Variants in KCNH5 observed in about 807,000 individuals in gnomAD.
The protein encoded by KCNH5 is voltage-gated delayed rectifier potassium channel KCNH5.
In KCNH5, 46 loss-of-function variants were observed where a neutral mutation model predicts 96.1. That is an observed-to-expected ratio of 0.48 (90% CI 0.38 to 0.61). KCNH5 has a LOEUF of 0.61. KCNH5 is among the 20% of genes least tolerant of loss of function. KCNH5 has a pLI of 0.00. For missense variants in KCNH5, 907 were observed against 1,225.8 expected (o/e 0.74, Z 3.88); for synonymous variants, 439 against 449.8 (o/e 0.98, Z 0.30).
At chr14:62,716,630 G>C (rs1884691850) in intron 10 of KCNH5, among the ~76,000 whole-genome samples, 1 of 152,120 alleles carries the variant, frequency 6.6e-6, no homozygotes, top group East Asian at 1.9e-4. Flanking sequence ...TTATAAGGTA[G>C]TTCTAGCTAC....
chr14:62,817,276 AC>A (rs1308669787), intron 8 of KCNH5, among the ~76,000 whole-genome samples: 1 of 134,534 alleles, frequency 7.4e-6, no homozygotes, highest in East Asian at 2.1e-4. Context: ...ATATATATAC[AC>A]ACACACACAA....
rs1001713985 is a variant in KCNH5 at position 62,706,992 on chromosome 14, T to C, written c.*516A>G. 3.9e-5 allele frequency: 6 copies of C among 152,214 alleles called. No individual in the cohort carries two copies. The highest frequency in any genetic ancestry group is 1.4e-4 in the African/African-American group (6 of 41,460). The allele number at this position is 152,214 out of a possible 1,614,324, so 9.4% of individuals were successfully genotyped here. On this transcript the variant is annotated 3_prime_UTR_variant, in exon 11 of 11. Transcript: ENST00000322893. ...ACAGTCATTTAAATGGAGCAAACAC[T>C]GCCTGTAGGGGAAAAGAACCTAACA...
At chr14:62,875,321 C>T (rs895831343) in intron 7 of KCNH5, among the ~76,000 whole-genome samples, 21 of 151,940 alleles carry the variant, frequency 1.4e-4, no homozygotes, top group African/African-American at 5.1e-4. Context: ...TGACTTTCTT[C>T]ACAGAATTGG....
chr14:62,902,814 G>A (rs961376006), intron 7 of KCNH5, among the ~76,000 whole-genome samples: 6 of 151,840 alleles, frequency 4.0e-5, no homozygotes, highest in Non-Finnish European at 8.8e-5. Flanking sequence ...CTACCTCCAG[G>A]GTTCAAGCGA....
At chr14:62,801,341 G>C (rs1445523808) in intron 9 of KCNH5, among the ~76,000 whole-genome samples, 2 of 147,914 alleles carry the variant, frequency 1.4e-5, no homozygotes, top group Non-Finnish European at 3.0e-5. Flanking sequence ...TCAAAATGAA[G>C]TCGACATCCT....
chr14:62,942,985 G>A (rs978160093), intron 7 of KCNH5, among the ~76,000 whole-genome samples: 1 of 152,036 alleles, frequency 6.6e-6, no homozygotes, highest in African/African-American at 2.4e-5. Context: ...TAGAGAAAAT[G>A]AATACCCAAA....
chr14:62,947,524 CAG>C (rs1889912402), intron 7 of KCNH5, among the ~76,000 whole-genome samples: 2 of 152,174 alleles, frequency 1.3e-5, no homozygotes, highest in African/African-American at 4.8e-5. Flanking sequence ...ATTAGACAAA[CAG>C]AAGCTGAACA....
intron 6 of KCNH5, among the ~76,000 whole-genome samples, chr14:62,974,527 A>G (rs922318242): frequency 2.0e-5 from 3 of 152,184 alleles, no homozygotes; most frequent in Admixed American, 1.3e-4. Flanking sequence ...TCTTTAATGG[A>G]ATCTGTCTTT....
chr14:62,732,438 T>A (rs1419630117), intron 10 of KCNH5, among the ~76,000 whole-genome samples: 3 of 152,168 alleles, frequency 2.0e-5, no homozygotes, highest in African/African-American at 7.2e-5. Flanking sequence ...TCCTTTTTAT[T>A]GGTATCACTT....
At chr14:62,981,760 G>A (rs1485945204) in intron 5 of KCNH5, among the ~76,000 whole-genome samples, 2 of 152,212 alleles carry the variant, frequency 1.3e-5, no homozygotes, top group Non-Finnish European at 1.5e-5. Flanking sequence ...GCACAGCAGT[G>A]TAAAGGGTTG....
chr14:62,930,676 T>C (rs112571244), intron 7 of KCNH5, among the ~76,000 whole-genome samples: 90 of 152,278 alleles, frequency 5.9e-4, no homozygotes, highest in African/African-American at 2.0e-3. Flanking sequence ...TTGTGAAGAA[T>C]TCCCTGTGCA....
At chr14:62,742,641 A>G (rs1446097221) in intron 10 of KCNH5, among the ~76,000 whole-genome samples, 1 of 152,236 alleles carries the variant, frequency 6.6e-6, no homozygotes, top group Non-Finnish European at 1.5e-5. Flanking sequence ...CGTCTTTAAC[A>G]TCATATACAT....
At chr14:62,994,716 C>A (rs1410103549) in intron 4 of KCNH5, among the ~76,000 whole-genome samples, 3 of 151,952 alleles carry the variant, frequency 2.0e-5, no homozygotes, top group Admixed American at 6.6e-5. Flanking sequence ...TAAGTCTCCA[C>A]TGAGAAGGAC....
intron 8 of KCNH5, among the ~76,000 whole-genome samples, chr14:62,844,615 T>A (rs1415745082): frequency 1.3e-5 from 2 of 152,078 alleles, no homozygotes; most frequent in Non-Finnish European, 2.9e-5. Context: ...CTATTAAATT[T>A]AAAAAAAATC....
Position 63,001,320 on chromosome 14 carries a change from T to C in KCNH5, c.433+11A>G, listed in dbSNP as rs775497813. ...CTAATTTTTCAGTGTAGTAATTCTT[T>C]TGAAAATTACCTTTTGTTGAATCAT... is the stretch of plus-strand genomic sequence containing the variant. On this transcript the variant is annotated intron_variant, in intron 4 of 10. Coordinates refer to ENST00000322893, the MANE Select transcript of KCNH5 (RefSeq NM_139318.5). 6.3e-7 allele frequency: 1 copy of C among 1,593,862 alleles called. No homozygotes were observed. Among genetic ancestry groups the C allele is most frequent in the South Asian group, 1.1e-5 (1 of 87,038 alleles).
intron 7 of KCNH5, among the ~76,000 whole-genome samples, chr14:62,866,647 C>A: frequency 6.6e-6 from 1 of 152,154 alleles, no homozygotes; most frequent in East Asian, 1.9e-4. Context: ...GGTTGCATGA[C>A]TGAGGCTGAC....
chr14:62,713,713 T>C (rs774644628), intron 10 of KCNH5, among the ~76,000 whole-genome samples: 1 of 152,222 alleles, frequency 6.6e-6, no homozygotes, highest in Non-Finnish European at 1.5e-5. Flanking sequence ...GTTCTTTGTT[T>C]TATTTTAAGT....
At chr14:62,755,219 C>T (rs1358580632) in intron 10 of KCNH5, among the ~76,000 whole-genome samples, 1 of 151,684 alleles carries the variant, frequency 6.6e-6, no homozygotes, top group African/African-American at 2.4e-5. Context: ...AGAGAACACC[C>T]AAATAAATAA....
At chr14:62,993,784 C>T (rs1393883446) in intron 4 of KCNH5, among the ~76,000 whole-genome samples, 2 of 152,152 alleles carry the variant, frequency 1.3e-5, no homozygotes, top group South Asian at 2.1e-4. Flanking sequence ...GATACATTTA[C>T]TGATCTCACC....
Sources: allele counts gnomAD v4.1 joint callset (sites outside exome capture counted in the v4.1 genomes callset), GRCh38; gene constraint gnomAD v4.1.1; transcripts MANE v1.5; gene names NCBI Gene and HGNC (gene_info 2026-07-23, HGNC 2026-07-21).